The following GNG7 variants were observed in gnomAD, a reference collection of about 807,000 sequenced individuals.
The protein encoded by GNG7 is G protein subunit gamma 7.
Under a neutral mutation model 4.0 loss-of-function variants are expected in GNG7, and 1 was observed. The observed-to-expected ratio is 0.25, with a 90% CI of 0.09 to 1.18. The LOEUF (loss-of-function observed/expected upper bound fraction) is 1.18, where lower values mean the gene tolerates loss of function less well. Among genes scored for constraint, GNG7 ranks in the 50% most tolerant of loss-of-function variants. The pLI is 0.50. For missense variants in GNG7, 86 were observed against 91.9 expected, an observed-to-expected ratio of 0.94 and a Z score of 0.26; for synonymous variants, 34 against 36.9, an observed-to-expected ratio of 0.92 and a Z score of 0.29.
rs1214143174 is a variant in GNG7 at position 2,611,118 on chromosome 19, C to G, written c.-78+35106G>C. 1 of 152,196 alleles carries G rather than the reference C, an allele frequency of 6.6e-6. No individual in the cohort carries two copies. The highest frequency in any genetic ancestry group is 2.4e-5 in the African/African-American group (1 of 41,434). The allele number at this position is 152,196 out of a possible 1,614,324, so 9.4% of individuals were successfully genotyped here. A position where few individuals can be genotyped will look rare whatever the true frequency, so the allele number is the denominator to read the frequency against. ...GGAAGTGGGCCCCTCGCACCGGGTGCGGCGCCCAGGGTTCCCCGCCACCCC... is the reference window on the plus strand; with the variant it reads ...GGAAGTGGGCCCCTCGCACCGGGTGGGGCGCCCAGGGTTCCCCGCCACCCC... On this transcript the variant is annotated intron_variant, in intron 2 of 4. Coordinates refer to ENST00000382159, the MANE Select transcript of GNG7 (RefSeq NM_052847.3). The surrounding 1 kb of genome is among the most constrained non-coding windows in gnomAD (Gnocchi z 6.0).
chr19:2,512,179 C>T lies in GNG7; in HGVS notation c.*2843G>A. 3.0e-6 allele frequency: 3 copies of T among 985,874 alleles called. No homozygotes were observed. Among genetic ancestry groups the T allele is most frequent in the Non-Finnish European group, 2.4e-6 (2 of 829,976 alleles). The allele number at this position is 985,874 out of a possible 1,614,324, so 61.1% of individuals were successfully genotyped here. A position where few individuals can be genotyped will look rare whatever the true frequency, so the allele number is the denominator to read the frequency against. On this transcript the variant is annotated 3_prime_UTR_variant, in exon 5 of 5. Transcript: ENST00000382159. The surrounding 1 kb of genome is among the most constrained non-coding windows in gnomAD (Gnocchi z 4.7). Reference sequence around the variant, plus strand: ...CAAGGCTAGAGCTGCTGCTGCCACCCCCGCCCGCCAGCTCCCCGTCTGGAG... The same window carrying T: ...CAAGGCTAGAGCTGCTGCTGCCACCTCCGCCCGCCAGCTCCCCGTCTGGAG...
At chr19:2,685,027 C>T (rs550248073) in intron 1 of GNG7, among the ~76,000 whole-genome samples, 1 of 151,634 alleles carries the variant, frequency 6.6e-6, no homozygotes, top group Non-Finnish European at 1.5e-5. Flanking sequence ...AGGAGGCTGA[C>T]GCAGGAGAAT....
chr19:2,584,986 G>T (rs1599405804), intron 2 of GNG7, among the ~76,000 whole-genome samples: 1 of 85,060 alleles, frequency 1.2e-5, no homozygotes, highest in Non-Finnish European at 2.1e-5. Flanking sequence ...GAGGGATGGA[G>T]GGAGGGAGGG....
intron 4 of GNG7, among the ~76,000 whole-genome samples, chr19:2,518,931 G>C (rs1389098251): frequency 6.6e-6 from 1 of 151,928 alleles, no homozygotes; most frequent in African/African-American, 2.4e-5. Flanking sequence ...AAGTAGCTGG[G>C]ACTATAGGAG....
chr19:2,640,925 A>G (rs1024157580), intron 2 of GNG7, among the ~76,000 whole-genome samples: 1 of 152,144 alleles, frequency 6.6e-6, no homozygotes, highest in African/African-American at 2.4e-5. Context: ...CACCACACCC[A>G]GGCTCTCACC....
intron 1 of GNG7, among the ~76,000 whole-genome samples, chr19:2,654,109 G>A (rs562210766): frequency 2.6e-5 from 4 of 152,022 alleles, no homozygotes; most frequent in Admixed American, 6.6e-5. Flanking sequence ...TGAGTGAGGC[G>A]GTCTCCATGC....
At chr19:2,645,192 C>G (rs6510692) in intron 2 of GNG7, among the ~76,000 whole-genome samples, 121,552 of 151,468 alleles carry the variant, frequency 0.8, 49,253 homozygotes, top group African/African-American at 0.9. Context: ...CAAAGCAAAC[C>G]CTAACTCTTT....
At chr19:2,516,650 A>C (rs1307209202) in intron 4 of GNG7, among the ~76,000 whole-genome samples, 1 of 152,224 alleles carries the variant, frequency 6.6e-6, no homozygotes, top group Non-Finnish European at 1.5e-5. Context: ...TCTCACCCCA[A>C]GGAAGGAAGG....
chr19:2,639,803 A>G (rs2144853459), intron 2 of GNG7, among the ~76,000 whole-genome samples: 1 of 3,366 alleles, frequency 3.0e-4, no homozygotes, highest in Non-Finnish European at 5.1e-4. Flanking sequence ...AGGGTAAGGG[A>G]GGGAAGGAGA....
At chr19:2,536,914 T>C (rs1342411571) in intron 3 of GNG7, among the ~76,000 whole-genome samples, 2 of 151,262 alleles carry the variant, frequency 1.3e-5, no homozygotes, top group Non-Finnish European at 2.9e-5. Flanking sequence ...ATACAGATAA[T>C]AAAATATATA....
At chr19:2,658,596 A>C (rs1256354973) in intron 1 of GNG7, among the ~76,000 whole-genome samples, 3 of 152,102 alleles carry the variant, frequency 2.0e-5, no homozygotes, top group Non-Finnish European at 4.4e-5. Flanking sequence ...AAAGGAAGGA[A>C]ATTTTGACAT....
At chr19:2,559,837 C>G (rs969680565) in intron 2 of GNG7, among the ~76,000 whole-genome samples, 5 of 125,502 alleles carry the variant, frequency 4.0e-5, no homozygotes, top group African/African-American at 1.6e-4. Flanking sequence ...GAATGCCTAT[C>G]GATGATGTGA....
intron 2 of GNG7, among the ~76,000 whole-genome samples, chr19:2,567,153 A>C (rs79513011): frequency 0.11 from 15,877 of 140,868 alleles, 1,019 homozygotes; most frequent in South Asian, 0.15. Flanking sequence ...CAAAAAAAAA[A>C]ACACAAAAAC....
chr19:2,678,480 T>C (rs528867520), intron 1 of GNG7, among the ~76,000 whole-genome samples: 4 of 152,330 alleles, frequency 2.6e-5, no homozygotes, highest in African/African-American at 9.6e-5. Flanking sequence ...ATGACATGGT[T>C]GCCACACAGT....
intron 3 of GNG7, chr19:2,538,213 A>G (rs1183157979): frequency 4.4e-5 from 20 of 456,644 alleles, no homozygotes; most frequent in South Asian, 2.5e-4. Flanking sequence ...AAAAGAGAAC[A>G]TACACGAGCA....
chr19:2,643,190 G>T, intron 2 of GNG7: 1 of 452,742 alleles, frequency 2.2e-6, no homozygotes, highest in Admixed American at 2.4e-5. Context: ...AGACCTCTCC[G>T]GGCTCTGCAC....
At chr19:2,678,372 T>C (rs1329217279) in intron 1 of GNG7, among the ~76,000 whole-genome samples, 1 of 152,188 alleles carries the variant, frequency 6.6e-6, no homozygotes, top group Non-Finnish European at 1.5e-5. Context: ...ATAGTAGGTA[T>C]TGTGGCATAG....
Position 2,560,245 on chromosome 19 carries a change from G to A in GNG7, c.-77-5057C>T, listed in dbSNP as rs1001329830. Among the ~76,000 whole-genome samples the A allele has an allele frequency of 2.0e-5, 3 of 152,110 alleles. No individual in the cohort carries two copies. In the South Asian group the frequency reaches 6.2e-4, roughly 31 times the overall value. ...TCCGTGAATGACAAAGGGGACTACA[G>A]TACAAACCCAGCCTGTCCCTCGCGC... is the stretch of plus-strand genomic sequence containing the variant. On this transcript the variant is annotated intron_variant, in intron 2 of 4. Transcript: ENST00000382159.
intron 2 of GNG7, among the ~76,000 whole-genome samples, chr19:2,615,755 G>A (rs1395408704): frequency 2.6e-5 from 4 of 152,088 alleles, no homozygotes; most frequent in East Asian, 1.9e-4. Context: ...GAGCCACCAC[G>A]CCTGGCCCAT....
Sources: gnomAD v4.1 joint callset for allele counts (sites outside exome capture counted in the v4.1 genomes callset) on GRCh38, gnomAD v4.1.1 for gene constraint, Gnocchi (gnomAD v3.1) non-coding constraint, MANE v1.5 for transcripts, NCBI Gene and HGNC (gene_info 2026-07-23, HGNC 2026-07-21) for gene names.